Variants in CADM1 observed in about 807,000 individuals in gnomAD.
CADM1 encodes cell adhesion molecule 1, also known as TSLC-1.
In CADM1, 15 loss-of-function variants were observed where a neutral mutation model predicts 53.1. That is an observed-to-expected ratio of 0.28 (90% CI 0.19 to 0.44). The LOEUF (loss-of-function observed/expected upper bound fraction) is 0.44, where lower values mean the gene tolerates loss of function less well. Among genes scored for constraint, CADM1 ranks in the 20% least tolerant of loss-of-function variants. CADM1 has a pLI of 1.00. For synonymous variants in CADM1, 281 were observed against 243.0 expected (o/e 1.16, Z -1.45); for missense variants, 434 against 611.3 (o/e 0.71, Z 3.06).
At chr11:115,328,715 T>TATATACGC (rs1464724518) in intron 1 of CADM1, among the ~76,000 whole-genome samples, 2 of 54,766 alleles carry the variant, frequency 3.7e-5, no homozygotes, top group African/African-American at 1.2e-4. Flanking sequence ...TATATATATG[T>TATATACGC]GTATATATAT....
intron 1 of CADM1, among the ~76,000 whole-genome samples, chr11:115,304,020 A>G (rs1944300958): frequency 6.6e-6 from 1 of 152,070 alleles, no homozygotes; most frequent in Non-Finnish European, 1.5e-5. Flanking sequence ...AGAATTCAAG[A>G]GATGAAAACT....
intron 1 of CADM1, among the ~76,000 whole-genome samples, chr11:115,275,335 C>T (rs1235330516): frequency 1.3e-5 from 2 of 152,170 alleles, no homozygotes; most frequent in East Asian, 1.9e-4. Context: ...GGAGGCCTTA[C>T]CTCACTCCAA....
chr11:115,470,805 C>A (rs1948995384), intron 1 of CADM1, among the ~76,000 whole-genome samples: 1 of 152,192 alleles, frequency 6.6e-6, no homozygotes, highest in Admixed American at 6.5e-5. Flanking sequence ...CCAAATCTCA[C>A]TTAATCCTTG....
chr11:115,468,990 C>G (rs765745737), intron 1 of CADM1, among the ~76,000 whole-genome samples: 2 of 152,068 alleles, frequency 1.3e-5, no homozygotes, highest in African/African-American at 2.4e-5. Context: ...ATTAAAAGAA[C>G]AGTACAGAAA....
At chr11:115,381,132 T>A in intron 1 of CADM1, among the ~76,000 whole-genome samples, 2 of 151,590 alleles carry the variant, frequency 1.3e-5, no homozygotes, top group East Asian at 1.9e-4. Flanking sequence ...CCATCTCTAC[T>A]AAAAATACAA....
chr11:115,283,807 G>A (rs900692031), intron 1 of CADM1, among the ~76,000 whole-genome samples: 3 of 152,132 alleles, frequency 2.0e-5, no homozygotes, highest in Non-Finnish European at 4.4e-5. Flanking sequence ...GCCACCTGTC[G>A]TAGTGTCTAC....
At chr11:115,196,595 T>TAAAA (rs61694033) in intron 9 of CADM1, among the ~76,000 whole-genome samples, 5,870 of 76,772 alleles carry the variant, frequency 0.076, 477 homozygotes, top group East Asian at 0.28. Context: ...GCTGATGAAC[T>TAAAA]AAAAAAAAAA....
At chr11:115,328,876 A>G (rs1317091109) in intron 1 of CADM1, among the ~76,000 whole-genome samples, 2 of 147,850 alleles carry the variant, frequency 1.4e-5, no homozygotes, top group Non-Finnish European at 3.0e-5. Flanking sequence ...AGAAAGAAGA[A>G]CAGTTCTGTT....
At chr11:115,216,583 A>G (rs1441475098) in intron 6 of CADM1, among the ~76,000 whole-genome samples, 1 of 152,216 alleles carries the variant, frequency 6.6e-6, no homozygotes, top group Non-Finnish European at 1.5e-5. Context: ...CTCAAACGAG[A>G]AAAAGATCAC....
At chr11:115,478,619 A>C (rs917863136) in intron 1 of CADM1, among the ~76,000 whole-genome samples, 1 of 152,284 alleles carries the variant, frequency 6.6e-6, no homozygotes, top group Middle Eastern at 3.4e-3. Context: ...AGAAATTTTA[A>C]ACAATATGCA....
rs1938716304 is a variant in CADM1, at chr11:115,169,364, T to G, written c.*7110A>C. 1 of 314,428 alleles carries G rather than the reference T, an allele frequency of 3.2e-6. No individual in the cohort carries two copies. Among genetic ancestry groups the G allele is most frequent in the Non-Finnish European group, 6.3e-6 (1 of 158,406 alleles). The allele number at this position is 314,428 out of a possible 1,614,324, so 19.5% of individuals were successfully genotyped here. On this transcript the variant is annotated 3_prime_UTR_variant, in exon 12 of 12. Transcript: ENST00000331581. ...AGGAAATCTATTATTTTCCATAAAC[T>G]GTCTTAAGCATCTCCCGGGCTACAT...
rs1038495575 is a variant in CADM1 at position 115,301,228 on chromosome 11, A to AT, written c.125-60809dup. ...GCCCACAGCTACTGAAAAGGGTTCT[A>AT]TTTTTTTTCAAAAGAGGGATAGGAT... On this transcript the variant is annotated intron_variant, in intron 1 of 11. Transcript: ENST00000331581. Among the ~76,000 whole-genome samples the AT allele has an allele frequency of 3.6e-4, 55 of 151,908 alleles. 1 individual carries two copies. The highest frequency in any genetic ancestry group is 1.3e-3 in the African/African-American group (52 of 41,460).
At chr11:115,396,939 T>C (rs983652220) in intron 1 of CADM1, 1 of 152,162 alleles carries the variant, frequency 6.6e-6, no homozygotes, top group Non-Finnish European at 1.5e-5. Flanking sequence ...CTGTATTTAA[T>C]AATCTTATGC....
chr11:115,434,859 TATTA>T (rs1443199260), intron 1 of CADM1, among the ~76,000 whole-genome samples: 4 of 104,158 alleles, frequency 3.8e-5, no homozygotes, highest in Non-Finnish European at 1.0e-4. Context: ...TTATTATTAT[TATTA>T]TTTTTTTTTT....
intron 1 of CADM1, among the ~76,000 whole-genome samples, chr11:115,389,900 T>C (rs1428672040): frequency 6.6e-6 from 1 of 152,206 alleles, no homozygotes; most frequent in South Asian, 2.1e-4. Context: ...ACACCTGTTA[T>C]GTAAGTAAAT....
At chr11:115,332,740 G>T (rs995720407) in intron 1 of CADM1, among the ~76,000 whole-genome samples, 1 of 152,068 alleles carries the variant, frequency 6.6e-6, no homozygotes, top group Non-Finnish European at 1.5e-5. Flanking sequence ...GATTAGAGTG[G>T]TATGACTGAT....
chr11:115,343,825 T>C (rs928603522), intron 1 of CADM1, among the ~76,000 whole-genome samples: 4 of 152,108 alleles, frequency 2.6e-5, no homozygotes, highest in Non-Finnish European at 5.9e-5. Context: ...CTCTGTGATA[T>C]TGGGCAAAAC....
At chr11:115,389,616 C>T (rs1393381309) in intron 1 of CADM1, among the ~76,000 whole-genome samples, 1 of 152,028 alleles carries the variant, frequency 6.6e-6, no homozygotes. Flanking sequence ...TAAGTGCAAA[C>T]AACAGGACTA....
At chr11:115,435,298 A>G (rs1347972705) in intron 1 of CADM1, among the ~76,000 whole-genome samples, 1 of 152,242 alleles carries the variant, frequency 6.6e-6, no homozygotes, top group Non-Finnish European at 1.5e-5. Flanking sequence ...TGGGGTTGGC[A>G]AACTATGGCC....
Sources: gnomAD v4.1 joint callset for allele counts (sites outside exome capture counted in the v4.1 genomes callset) on GRCh38, gnomAD v4.1.1 for gene constraint, MANE v1.5 for transcripts, NCBI Gene and HGNC (gene_info 2026-07-23, HGNC 2026-07-21) for gene names.